AP3B1: variants seen among roughly 807,000 people sequenced by gnomAD.
AP3B1 encodes the protein adaptor related protein complex 3 subunit beta 1, also known as AP-3 complex subunit beta-1.
A neutral mutation model predicts 132.5 loss-of-function variants in AP3B1; 61 were observed. The observed-to-expected ratio is 0.46, with a 90% confidence interval of 0.37 to 0.57. AP3B1 has a LOEUF of 0.57. Ranked by LOEUF, AP3B1 falls within the 20% of genes least tolerant of loss-of-function variation. The pLI is 0.00. For synonymous variants in AP3B1, 388 were observed against 438.3 expected (o/e 0.89, Z 1.43); for missense variants, 1,120 against 1,289.4 (o/e 0.87, Z 2.01).
intron 22 of AP3B1, among the ~76,000 whole-genome samples, chr5:78,063,967 C>T (rs1008172180): frequency 6.6e-6 from 1 of 151,082 alleles, no homozygotes; most frequent in Non-Finnish European, 1.5e-5. Context: ...TTTAGGAATA[C>T]GTTCTATAAG....
intron 2 of AP3B1, among the ~76,000 whole-genome samples, chr5:78,249,773 C>T (rs1747553066): frequency 6.6e-6 from 1 of 151,860 alleles, no homozygotes; most frequent in Non-Finnish European, 1.5e-5. Context: ...TCTGTAGAGA[C>T]AGGGTCTCAC....
chr5:78,008,146 AT>A (rs563338638), intron 26 of AP3B1, among the ~76,000 whole-genome samples: 88 of 151,828 alleles, frequency 5.8e-4, no homozygotes, highest in African/African-American at 2.0e-3. Flanking sequence ...CATCCCAGTT[AT>A]TTCAGAGCAT....
At chr5:78,073,296 C>T (rs769066066) in intron 22 of AP3B1, among the ~76,000 whole-genome samples, 2 of 152,146 alleles carry the variant, frequency 1.3e-5, no homozygotes, top group African/African-American at 2.4e-5. Context: ...CCATGCCCTG[C>T]CCTGTGTTCA....
intron 6 of AP3B1, among the ~76,000 whole-genome samples, chr5:78,223,536 A>G (rs940661659): frequency 1.3e-5 from 2 of 152,212 alleles, no homozygotes; most frequent in Non-Finnish European, 2.9e-5. Flanking sequence ...CCTGTGATGA[A>G]CAAGTATTCA....
chr5:78,191,259 T>TA (rs1028333313), intron 7 of AP3B1, among the ~76,000 whole-genome samples: 5 of 135,452 alleles, frequency 3.7e-5, no homozygotes, highest in Non-Finnish European at 6.1e-5. Context: ...ACTGGAGGGC[T>TA]AAAAAAACAG....
At chr5:78,034,676 T>C (rs1233862533) in intron 23 of AP3B1, among the ~76,000 whole-genome samples, 6 of 151,968 alleles carry the variant, frequency 3.9e-5, no homozygotes, top group African/African-American at 1.4e-4. Context: ...ATGAACACAT[T>C]ATACCCATTT....
intron 3 of AP3B1, among the ~76,000 whole-genome samples, chr5:78,231,151 C>T (rs1746633767): frequency 6.6e-6 from 1 of 152,052 alleles, no homozygotes; most frequent in African/African-American, 2.4e-5. Context: ...GAAAATATGT[C>T]CTTGAAAAAG....
chr5:78,129,224 C>T lies in AP3B1; in HGVS notation c.1734G>A (p.Arg578=), dbSNP rs568972737. The change falls in exon 16 of 27, where the codon AGG becomes AGA. Residue 578 remains arginine, a synonymous_variant. Transcript: ENST00000255194. The part of the protein sequence containing the change: ...YDIRDRTRFI[R]QLIVPNVKSG... ...TCTTTACATTCGGAACAATAAGCTG[C>T]CTAATAAATCTTGTACGGTCTCTGA... 14 of 1,613,188 alleles carry T rather than the reference C, an allele frequency of 8.7e-6. No homozygotes were observed. The East Asian group carries it at 2.7e-4, about 31-fold the overall frequency.
At chr5:78,274,393 C>T (rs1189199254) in intron 1 of AP3B1, among the ~76,000 whole-genome samples, 2 of 150,460 alleles carry the variant, frequency 1.3e-5, no homozygotes, top group Non-Finnish European at 3.0e-5. Flanking sequence ...GCATCAGAGG[C>T]ATATGAGATA....
At chr5:78,164,173 GAGTCTTTAGAAACATT>G (rs1743514765) in intron 12 of AP3B1, among the ~76,000 whole-genome samples, 1 of 151,836 alleles carries the variant, frequency 6.6e-6, no homozygotes, top group South Asian at 2.1e-4. Flanking sequence ...ATGAACTTAT[GAGTCTTTAGAAACATT>G]CCCTATTTTA....
rs190266976 is a variant in AP3B1, at chr5:78,020,033, C to T, written c.2992+659G>A. 2.2e-3 allele frequency among the ~76,000 whole-genome samples: 331 copies of T among 151,866 alleles called. 1 individual carries two copies. The highest frequency in any genetic ancestry group is 7.1e-3 in the African/African-American group (295 of 41,458). On this transcript the variant is annotated intron_variant, in intron 25 of 26. Coordinates refer to ENST00000255194, the MANE Select transcript of AP3B1 (RefSeq NM_003664.5). ...ACAGTTATCTCCCCTTATTCACATACGAAAAAAAACCACCTCGTTTTTATT... is the reference window on the plus strand; with the variant it reads ...ACAGTTATCTCCCCTTATTCACATATGAAAAAAAACCACCTCGTTTTTATT...
rs77547374 is a variant in AP3B1, at chr5:78,278,285, T to C, written c.129-10690A>G. 1.1e-3 allele frequency among the ~76,000 whole-genome samples: 175 copies of C among 152,300 alleles called. 3 individuals carry two copies. In the East Asian group the frequency reaches 0.024, roughly 21 times the overall value. On this transcript the variant is annotated intron_variant, in intron 1 of 26. Transcript: ENST00000255194. Reference sequence around the variant, plus strand: ...ATTCACACAGGTATGCAAAAACTTATGTTGAAATATTGTTTTTATGTGATG... The same window carrying C: ...ATTCACACAGGTATGCAAAAACTTACGTTGAAATATTGTTTTTATGTGATG...
chr5:78,052,822 C>A (rs1033256178), intron 22 of AP3B1, among the ~76,000 whole-genome samples: 1 of 152,150 alleles, frequency 6.6e-6, no homozygotes, highest in Non-Finnish European at 1.5e-5. Context: ...TTATATATCA[C>A]GTACGTGGTA....
intron 13 of AP3B1, among the ~76,000 whole-genome samples, chr5:78,157,080 G>A (rs1743179707): frequency 1.3e-5 from 2 of 152,094 alleles, no homozygotes; most frequent in Admixed American, 6.5e-5. Context: ...AGCAGGAGAT[G>A]GTGGGGGGAG....
intron 3 of AP3B1, among the ~76,000 whole-genome samples, chr5:78,232,243 G>A (rs1746676935): frequency 6.6e-6 from 1 of 152,062 alleles, no homozygotes; most frequent in South Asian, 2.1e-4. Flanking sequence ...CACATTCCTC[G>A]GAGAGACAGG....
At chr5:78,269,740 C>A (rs1361674241) in intron 1 of AP3B1, among the ~76,000 whole-genome samples, 1 of 152,082 alleles carries the variant, frequency 6.6e-6, no homozygotes, top group Non-Finnish European at 1.5e-5. Flanking sequence ...ATTTTTGTTA[C>A]CAACCCATGA....
chr5:78,264,528 A>G (rs1351945640), intron 2 of AP3B1, among the ~76,000 whole-genome samples: 2 of 152,190 alleles, frequency 1.3e-5, no homozygotes, highest in East Asian at 3.8e-4. Flanking sequence ...GTGTCACATC[A>G]CCAGTAAAAC....
At chr5:78,242,656 C>G (rs143954884) in intron 2 of AP3B1, among the ~76,000 whole-genome samples, 3 of 152,098 alleles carry the variant, frequency 2.0e-5, no homozygotes, top group Non-Finnish European at 4.4e-5. Flanking sequence ...ATCCACCCCC[C>G]TCGGCCTCCC....
intron 15 of AP3B1, among the ~76,000 whole-genome samples, chr5:78,135,330 AACATAT>A (rs1184515663): frequency 2.0e-5 from 3 of 152,242 alleles, no homozygotes; most frequent in Non-Finnish European, 4.4e-5. Context: ...AAAAGTTGCA[AACATAT>A]ACATAAAGTA....
Sources: gnomAD v4.1 joint callset for allele counts (sites outside exome capture counted in the v4.1 genomes callset) on GRCh38, gnomAD v4.1.1 for gene constraint, MANE v1.5 for transcripts, NCBI Gene and HGNC (gene_info 2026-07-23, HGNC 2026-07-21) for gene names.